Variants in SIMC1 observed in about 807,000 individuals in gnomAD.
SIMC1 encodes SUMO interacting motifs containing 1, also known as SUMO-interacting motif-containing protein 1.
Under a neutral mutation model 82.3 loss-of-function variants are expected in SIMC1, and 55 were observed. The ratio of observed to expected loss-of-function variants is 0.67; its 90% CI spans 0.54 to 0.84. The LOEUF is 0.84. SIMC1 is among the 40% of genes least tolerant of loss of function. The pLI is 0.00. For missense variants in SIMC1, 915 were observed against 1,107.2 expected, an observed-to-expected ratio of 0.83 and a Z score of 2.46; for synonymous variants, 353 against 426.3, an observed-to-expected ratio of 0.83 and a Z score of 2.12.
At chr5:176,294,730 A>C (rs1196710640) in intron 2 of SIMC1, among the ~76,000 whole-genome samples, 1 of 151,912 alleles carries the variant, frequency 6.6e-6, no homozygotes, top group Non-Finnish European at 1.5e-5. Context: ...TGGGAGGCTG[A>C]GACAGGCAAA....
intron 9 of SIMC1, among the ~76,000 whole-genome samples, chr5:176,339,504 C>T (rs1014980358): frequency 2.6e-5 from 4 of 152,222 alleles, no homozygotes; most frequent in African/African-American, 7.2e-5. Context: ...TTCTTACCCT[C>T]AGTGAGGCTT....
rs1761968102 is a variant in SIMC1 at position 176,260,140 on chromosome 5, A to G, written c.129+21503A>G. 1.3e-5 allele frequency among the ~76,000 whole-genome samples: 2 copies of G among 152,116 alleles called. 1 individual carries two copies. Among genetic ancestry groups the G allele is most frequent in the South Asian group, 4.1e-4 (2 of 4,830 alleles). Reference sequence around the variant, plus strand: ...CCCAGTGCACAACATGGTGCCTGGTACATTGTAAGTATTCATTCAATAATC... The same window carrying G: ...CCCAGTGCACAACATGGTGCCTGGTGCATTGTAAGTATTCATTCAATAATC... On this transcript the variant is annotated intron_variant, in intron 1 of 9. Transcript: ENST00000429602.
chr5:176,333,080 G>A (rs1765734746), intron 7 of SIMC1, among the ~76,000 whole-genome samples: 1 of 152,226 alleles, frequency 6.6e-6, no homozygotes, highest in South Asian at 2.1e-4. Flanking sequence ...AAGGTGGGCA[G>A]ATCACTTGAT....
chr5:176,257,267 T>C (rs1761877098), intron 1 of SIMC1, among the ~76,000 whole-genome samples: 1 of 152,188 alleles, frequency 6.6e-6, no homozygotes, highest in Non-Finnish European at 1.5e-5. Flanking sequence ...TCTCACCTTA[T>C]GCAAAAAATC....
intron 1 of SIMC1, among the ~76,000 whole-genome samples, chr5:176,253,798 G>A (rs888713193): frequency 1.3e-5 from 2 of 152,158 alleles, no homozygotes; most frequent in Non-Finnish European, 2.9e-5. Context: ...ATTTTAACAA[G>A]TAATAGCTAC....
chr5:176,240,431 T>C (rs2113091304), intron 1 of SIMC1, among the ~76,000 whole-genome samples: 1 of 102,454 alleles, frequency 9.8e-6, no homozygotes, highest in East Asian at 2.8e-4. Flanking sequence ...CATACGTACA[T>C]GGGCGTAGTC....
intron 1 of SIMC1, among the ~76,000 whole-genome samples, chr5:176,252,796 A>T (rs1412853812): frequency 6.6e-6 from 1 of 152,124 alleles, no homozygotes; most frequent in African/African-American, 2.4e-5. Context: ...GGCGGCTGGG[A>T]GGTGTAGGTT....
chr5:176,252,383 C>T (rs865948640), intron 1 of SIMC1, among the ~76,000 whole-genome samples: 71 of 144,198 alleles, frequency 4.9e-4, no homozygotes, highest in African/African-American at 1.4e-3. Context: ...ACTTCTCAGA[C>T]GGGGCGGTTG....
In SIMC1 at chr5:176,345,208, C is replaced by T. The variant is rs1442553736; in HGVS notation, c.2439C>T (p.Asp813=). The T allele has an allele frequency of 6.2e-7, 1 of 1,613,910 alleles. No individual in the cohort carries two copies. The highest frequency in any genetic ancestry group is 8.5e-7 in the Non-Finnish European group (1 of 1,179,850). The change falls in exon 10 of 10, where the codon GAC becomes GAT. Residue 813 remains aspartate, a synonymous_variant. Transcript: ENST00000429602. ...AACACTTAAGGAGTTCCGTGATCGA[C>T]CGAAAGGACTTAATAATCAAAAGGA... ...LREHLRSSVI[D]RKDLIIKRIK...
Position 176,272,913 on chromosome 5 carries a change from G to C in SIMC1, c.130-16741G>C, listed in dbSNP as rs532611438. 3.9e-5 allele frequency among the ~76,000 whole-genome samples: 6 copies of C among 152,336 alleles called. No individual in the cohort carries two copies. The South Asian group carries it at 1.2e-3, about 32-fold the overall frequency. On this transcript the variant is annotated intron_variant, in intron 1 of 9. Coordinates refer to ENST00000429602, the MANE Select transcript of SIMC1 (RefSeq NM_001308195.2). The stretch of plus-strand genomic sequence containing the variant: ...AGGGTGCCTGCCATTGCTGAGGCTT[G>C]AGTAGGTAAACAAAGCAGCCAGGAA...
intron 1 of SIMC1, among the ~76,000 whole-genome samples, chr5:176,273,409 T>C (rs1762534715): frequency 6.6e-6 from 1 of 152,142 alleles, no homozygotes; most frequent in Non-Finnish European, 1.5e-5. Context: ...AGAAAGGACA[T>C]TCACACCAAA....
chr5:176,305,039 C>T (rs1410071025), intron 4 of SIMC1, among the ~76,000 whole-genome samples: 1 of 145,632 alleles, frequency 6.9e-6, no homozygotes, highest in Non-Finnish European at 1.5e-5. Flanking sequence ...GCAGCCACCC[C>T]ATCTGGGAAG....
At position 176,337,628 on chromosome 5, in the gene SIMC1, C is replaced by T. The variant is rs114725407; in HGVS notation, c.2413+482C>T. 2.9e-3 allele frequency among the ~76,000 whole-genome samples: 444 copies of T among 152,322 alleles called. 4 individuals are homozygous for T. Among genetic ancestry groups the T allele is most frequent in the African/African-American group, 0.01 (420 of 41,580 alleles). ...GGAAAAAAAGAGAAGTCATCAGAACCTGAGAAGGACTCAGGAATGCCTGAA... is the reference window on the plus strand; with the variant it reads ...GGAAAAAAAGAGAAGTCATCAGAACTTGAGAAGGACTCAGGAATGCCTGAA... On this transcript the variant is annotated intron_variant, in intron 9 of 9. Coordinates refer to ENST00000429602, the MANE Select transcript of SIMC1 (RefSeq NM_001308195.2).
intron 1 of SIMC1, among the ~76,000 whole-genome samples, chr5:176,257,681 T>A (rs1330632955): frequency 6.6e-6 from 1 of 152,166 alleles, no homozygotes; most frequent in African/African-American, 2.4e-5. Context: ...TACATACATA[T>A]GTACGTATGT....
chr5:176,312,288 C>T (rs1421046389), intron 4 of SIMC1, among the ~76,000 whole-genome samples: 1 of 152,122 alleles, frequency 6.6e-6, no homozygotes, highest in Non-Finnish European at 1.5e-5. Context: ...ATAATCCCAA[C>T]ACTTTGGGAG....
In SIMC1 at chr5:176,320,596, T is replaced by C. The variant is rs112815519; in HGVS notation, c.1890-1677T>C. On this transcript the variant is annotated intron_variant, in intron 5 of 9. Transcript: ENST00000429602. Reference sequence around the variant, plus strand: ...TTTTGCCCAGGCTGGTCTCAAACTCTTGGACTCAAGCCATTTGCCCACTGC... The same window carrying C: ...TTTTGCCCAGGCTGGTCTCAAACTCCTGGACTCAAGCCATTTGCCCACTGC... Among the ~76,000 whole-genome samples the C allele has an allele frequency of 5.5e-3, 839 of 152,176 alleles. 10 individuals are homozygous for C. Among genetic ancestry groups the C allele is most frequent in the African/African-American group, 0.019 (792 of 41,520 alleles).
chr5:176,333,369 C>CT (rs1288778042), intron 7 of SIMC1, among the ~76,000 whole-genome samples: 1 of 152,090 alleles, frequency 6.6e-6, no homozygotes, highest in Non-Finnish European at 1.5e-5. Flanking sequence ...TTGGGACTGG[C>CT]TTTTTTTCAC....
Position 176,293,447 on chromosome 5 carries a change from AATT to A in SIMC1, c.1432-1581_1432-1579del, listed in dbSNP as rs1763668447. On this transcript the variant is annotated intron_variant, in intron 2 of 9. Coordinates refer to ENST00000429602, the MANE Select transcript of SIMC1 (RefSeq NM_001308195.2). Reference sequence around the variant, plus strand: ...GAGACCCCATCTCAAAAAAAAAAAAAATTAATTGTTTAAGGCCAGACATGATGG... The same window carrying A: ...GAGACCCCATCTCAAAAAAAAAAAAAAATTGTTTAAGGCCAGACATGATGG... Among the ~76,000 whole-genome samples the A allele has an allele frequency of 2.0e-5, 3 of 151,762 alleles. No individual in the cohort carries two copies. In the South Asian group the frequency reaches 6.2e-4, roughly 32 times the overall value.
intron 2 of SIMC1, among the ~76,000 whole-genome samples, chr5:176,292,902 AT>A (rs1561701148): frequency 6.6e-6 from 1 of 152,152 alleles, no homozygotes; most frequent in African/African-American, 2.4e-5. Context: ...CTTTTTATAC[AT>A]AGGCATTTTA....
Sources: allele counts gnomAD v4.1 joint callset (sites outside exome capture counted in the v4.1 genomes callset), GRCh38; gene constraint gnomAD v4.1.1; transcripts MANE v1.5; gene names NCBI Gene and HGNC (gene_info 2026-07-23, HGNC 2026-07-21).